The following FCRL4 variants were observed in gnomAD, a reference collection of about 807,000 sequenced individuals.
The protein encoded by FCRL4 is Fc receptor like 4.
Under a neutral mutation model 64.1 loss-of-function variants are expected in FCRL4, and 43 were observed. That is an observed-to-expected ratio of 0.67 (90% CI 0.53 to 0.87). The LOEUF (loss-of-function observed/expected upper bound fraction) is 0.87, where lower values mean the gene tolerates loss of function less well. FCRL4 is among the 40% of genes least tolerant of loss of function. FCRL4 has a pLI of 0.00. For missense variants in FCRL4, 656 were observed against 613.5 expected, an observed-to-expected ratio of 1.07 and a Z score of -0.73; for synonymous variants, 253 against 239.8, an observed-to-expected ratio of 1.05 and a Z score of -0.51.
At chr1:157,597,680 A>C (rs946766755) in intron 1 of FCRL4, among the ~76,000 whole-genome samples, 6 of 152,232 alleles carry the variant, frequency 3.9e-5, no homozygotes, top group African/African-American at 1.4e-4. Context: ...ATTTGGGGGT[A>C]AAATGATTTT....
At chr1:157,586,789 C>G (rs747633713) in intron 5 of FCRL4, among the ~76,000 whole-genome samples, 31 of 152,204 alleles carry the variant, frequency 2.0e-4, no homozygotes, top group Non-Finnish European at 5.9e-5. Flanking sequence ...TGGACCACAT[C>G]TGTTTTCAAA....
chr1:157,580,873 C>T (rs1028518883), intron 7 of FCRL4, among the ~76,000 whole-genome samples: 1 of 152,246 alleles, frequency 6.6e-6, no homozygotes, highest in Non-Finnish European at 1.5e-5. Flanking sequence ...AAAGGTTCTG[C>T]TCCTGTCTTC....
chr1:157,576,916 T>G (rs1210968660), intron 10 of FCRL4, among the ~76,000 whole-genome samples: 1 of 152,218 alleles, frequency 6.6e-6, no homozygotes, highest in Admixed American at 6.5e-5. Context: ...CTGAGTCTTA[T>G]GTGTAATACT....
At chr1:157,596,460 T>C in intron 1 of FCRL4, 112 bp from the exon 2 acceptor site, 1 of 1,172,166 alleles carries the variant, frequency 8.5e-7, no homozygotes, top group South Asian at 1.3e-5. Flanking sequence ...GAGAAACACG[T>C]TCCATTCCAT....
chr1:157,587,845 A>T lies in FCRL4; in HGVS notation c.562+20T>A. The T allele has an allele frequency of 6.3e-7, 1 of 1,592,702 alleles. No individual in the cohort carries two copies. Among genetic ancestry groups the T allele is most frequent in the Non-Finnish European group, 8.6e-7 (1 of 1,164,150 alleles). ...ATCCCTGTCATTACTAAGCAAATCT[A>T]TATGAACTGAAAGATTCACCTTGAA... On this transcript the variant is annotated intron_variant, in intron 4 of 11. Transcript: ENST00000271532.
intron 6 of FCRL4, among the ~76,000 whole-genome samples, chr1:157,585,238 T>TCTTTCCTTTCCTTTC (rs10658593): frequency 3.3e-5 from 5 of 150,122 alleles, no homozygotes; most frequent in Admixed American, 3.3e-4. Context: ...CTCTTTCCTT[T>TCTTTCCTTTCCTTTC]CTTTCCTTTC....
At chr1:157,591,998 G>C (rs574637924) in intron 2 of FCRL4, among the ~76,000 whole-genome samples, 19 of 152,158 alleles carry the variant, frequency 1.2e-4, no homozygotes, top group Admixed American at 2.6e-4. Context: ...ATGGGGAAAC[G>C]ATTCCCTATT....
At chr1:157,589,822 G>C (rs2014696) in intron 2 of FCRL4, among the ~76,000 whole-genome samples, 52,915 of 152,052 alleles carry the variant, frequency 0.35, 10,860 homozygotes, top group East Asian at 0.68. Context: ...TTGTTACAGA[G>C]ACCTCTCTAA....
intron 8 of FCRL4, among the ~76,000 whole-genome samples, chr1:157,579,165 G>A (rs190450291): frequency 7.3e-4 from 111 of 152,284 alleles, no homozygotes; most frequent in African/African-American, 2.6e-3. Flanking sequence ...AAAAATACTG[G>A]CTTTCCAGCC....
chr1:157,588,193 G>A (rs147715929), intron 3 of FCRL4, 74 bp from the exon 4 acceptor site: 2 of 1,497,696 alleles, frequency 1.3e-6, no homozygotes, highest in African/African-American at 1.4e-5. Flanking sequence ...AATTACAAAG[G>A]CTTTATTGTT....
intron 10 of FCRL4, among the ~76,000 whole-genome samples, chr1:157,576,368 G>C (rs930696744): frequency 2.0e-5 from 3 of 152,172 alleles, no homozygotes; most frequent in African/African-American, 7.2e-5. Context: ...GTTTCTTACT[G>C]TATTGTTACC....
At chr1:157,579,347 G>A (rs1290257129) in intron 8 of FCRL4, among the ~76,000 whole-genome samples, 1 of 152,168 alleles carries the variant, frequency 6.6e-6, no homozygotes, top group East Asian at 1.9e-4. Context: ...TCCAGCCTGG[G>A]TGACAGAGCC....
chr1:157,588,217 C>T, intron 3 of FCRL4, 98 bp from the exon 4 acceptor site: 1 of 1,413,252 alleles, frequency 7.1e-7, no homozygotes, highest in Non-Finnish European at 9.4e-7. Flanking sequence ...TTCTTTCTTC[C>T]ACAGGATGTA....
At chr1:157,586,049 T>C in intron 6 of FCRL4, 119 bp downstream of exon 6, 1 of 1,017,018 alleles carries the variant, frequency 9.8e-7, no homozygotes, top group Non-Finnish European at 1.4e-6. Flanking sequence ...TTTATCACAG[T>C]GGAGCATGGC....
At chr1:157,579,424 A>T (rs1037978271) in intron 8 of FCRL4, among the ~76,000 whole-genome samples, 4 of 151,914 alleles carry the variant, frequency 2.6e-5, no homozygotes, top group African/African-American at 9.7e-5. Context: ...AAATGTCTTT[A>T]CTTTACTGTT....
chr1:157,582,330 C>T (rs1167438652), intron 6 of FCRL4, among the ~76,000 whole-genome samples: 3 of 152,148 alleles, frequency 2.0e-5, no homozygotes, highest in African/African-American at 7.2e-5. Flanking sequence ...ATTGACCTAA[C>T]CCTTGAAGAC....
intron 10 of FCRL4, among the ~76,000 whole-genome samples, chr1:157,576,555 G>A (rs1186159190): frequency 6.6e-6 from 1 of 152,160 alleles, no homozygotes; most frequent in South Asian, 2.1e-4. Flanking sequence ...AATAATTCAA[G>A]TGTCTGAAAT....
chr1:157,595,239 G>T (rs777562106), intron 2 of FCRL4, among the ~76,000 whole-genome samples: 1 of 152,196 alleles, frequency 6.6e-6, no homozygotes, highest in Non-Finnish European at 1.5e-5. Flanking sequence ...TGTCTTTAAA[G>T]GTTTGGACAG....
At chr1:157,588,571 A>G (rs1447917633) in intron 3 of FCRL4, among the ~76,000 whole-genome samples, 1 of 152,202 alleles carries the variant, frequency 6.6e-6, no homozygotes, top group Non-Finnish European at 1.5e-5. Context: ...GGGACAGTGG[A>G]TGTGGTCCTT....
Sources: allele counts gnomAD v4.1 joint callset (sites outside exome capture counted in the v4.1 genomes callset), GRCh38; gene constraint gnomAD v4.1.1; transcripts MANE v1.5; gene names NCBI Gene and HGNC (gene_info 2026-07-23, HGNC 2026-07-21).